Variants in ZNF525 observed in about 807,000 individuals in gnomAD.
ZNF525 encodes zinc finger protein 525.
ZNF525 carries 33 observed loss-of-function variants against 37.6 expected under a neutral mutation model. The ratio of observed to expected loss-of-function variants is 0.88; its 90% CI spans 0.67 to 1.17. ZNF525 has a LOEUF of 1.17. Among genes scored for constraint, ZNF525 ranks in the 50% most tolerant of loss-of-function variants. The pLI is 0.00. For synonymous variants in ZNF525, 170 were observed against 182.3 expected (o/e 0.93, Z 0.54); for missense variants, 449 against 543.1 (o/e 0.83, Z 1.72).
At chr19:53,379,134 G>C (rs1250261165) in intron 3 of ZNF525, among the ~76,000 whole-genome samples, 1 of 150,522 alleles carries the variant, frequency 6.6e-6, no homozygotes, top group African/African-American at 2.4e-5. Flanking sequence ...TTTTTTCTTA[G>C]AGACGAAGTC....
intron 3 of ZNF525, among the ~76,000 whole-genome samples, chr19:53,377,557 T>A (rs1327183859): frequency 1.9e-5 from 2 of 105,078 alleles, no homozygotes; most frequent in African/African-American, 7.6e-5. Context: ...CTTTCATTTC[T>A]TTTTTTTTTT....
Position 53,382,395 on chromosome 19 carries a change from C to A in ZNF525, c.*376C>A. On this transcript the variant is annotated 3_prime_UTR_variant, in exon 4 of 4. Coordinates refer to ENST00000474037, the MANE Select transcript of ZNF525 (RefSeq NM_001348156.2). ...TAGGAGAATTCATAATGGAGAGAAA[C>A]CGTACAAGTGTAATGAGTGTGGCAA... 9.6e-7 allele frequency: 1 copy of A among 1,039,982 alleles called. No homozygotes were observed. The highest frequency in any genetic ancestry group is 1.5e-6 in the Non-Finnish European group (1 of 663,824). 64.4% of individuals were successfully genotyped at this position (1,039,982 alleles called of 1,614,324 possible). A position where few individuals can be genotyped will look rare whatever the true frequency, so the allele number is the denominator to read the frequency against.
Position 53,384,091 on chromosome 19 carries a change from A to G in ZNF525, c.*2072A>G. 2.1e-6 allele frequency: 1 copy of G among 471,290 alleles called. No individual in the cohort carries two copies. Among genetic ancestry groups the G allele is most frequent in the Non-Finnish European group, 4.2e-6 (1 of 237,288 alleles). 29.2% of individuals were successfully genotyped at this position (471,290 alleles called of 1,614,324 possible). ...CCCAATGCAATGAATATAGCAAACC[A>G]TCAAGCATTGATTGACATTAGAGTC... is the stretch of plus-strand genomic sequence containing the variant. On this transcript the variant is annotated 3_prime_UTR_variant, in exon 4 of 4. Coordinates refer to ENST00000474037, the MANE Select transcript of ZNF525 (RefSeq NM_001348156.2).
At chr19:53,379,647 T>C (rs2085545187) in intron 3 of ZNF525, among the ~76,000 whole-genome samples, 1 of 152,212 alleles carries the variant, frequency 6.6e-6, no homozygotes, top group South Asian at 2.1e-4. Context: ...ATTTTTATGA[T>C]TTTACATAAA....
chr19:53,369,715 C>CTTTTTTTTTT (rs57431960), intron 1 of ZNF525, among the ~76,000 whole-genome samples: 1 of 81,204 alleles, frequency 1.2e-5, no homozygotes, highest in African/African-American at 6.4e-5. Context: ...AAAGAAGTTT[C>CTTTTTTTTTT]TTTTTTTTTT....
chr19:53,376,727 T>C (rs1044522413), intron 3 of ZNF525, among the ~76,000 whole-genome samples: 1 of 152,192 alleles, frequency 6.6e-6, no homozygotes, highest in Admixed American at 6.5e-5. Flanking sequence ...CCCAGCACTT[T>C]GGAAGGCCGG....
rs1487523808 is a variant in ZNF525 at position 53,381,125 on chromosome 19, T to G, written c.546T>G (p.Cys182Trp). 7.1e-7 allele frequency: 1 copy of G among 1,414,910 alleles called. No individual in the cohort carries two copies. Among genetic ancestry groups the G allele is most frequent in the Non-Finnish European group, 1.0e-6 (1 of 998,884 alleles). The allele number at this position is 1,414,910 out of a possible 1,614,324, so 87.6% of individuals were successfully genotyped here. A position where few individuals can be genotyped will look rare whatever the true frequency, so the allele number is the denominator to read the frequency against. Residue 182 changes from cysteine (C) to tryptophan (W), a missense_variant, in exon 4 of 4, where the codon TGT becomes TGG. Cys to Trp is a radical substitution (Grantham distance 215). Around this residue, in one of 2 missense-constraint regions of ZNF525, gnomAD observed 271 missense variants for 381.6 expected, o/e 0.71. Transcript: ENST00000474037. ...TTTCAACAGCCCAAAGAATTTCTTG[T>G]AGGCCCAAAACCCATATATCTAATA... The part of the protein sequence containing the change: ...SSVSTAQRIS[C>W]RPKTHISNNY...
intron 2 of ZNF525, among the ~76,000 whole-genome samples, chr19:53,374,756 GA>G (rs2085510199): frequency 1.3e-5 from 2 of 152,148 alleles, no homozygotes; most frequent in Non-Finnish European, 2.9e-5. Context: ...AAAATCTGGG[GA>G]AAATGACAAC....
At chr19:53,368,190 A>C (rs1403364096) in intron 1 of ZNF525, among the ~76,000 whole-genome samples, 2 of 152,192 alleles carry the variant, frequency 1.3e-5, no homozygotes, top group African/African-American at 2.4e-5. Context: ...GGCCTGTGGC[A>C]CACAGTTCTA....
At chr19:53,371,572 T>C (rs529680077) in intron 1 of ZNF525, among the ~76,000 whole-genome samples, 7 of 152,292 alleles carry the variant, frequency 4.6e-5, no homozygotes, top group African/African-American at 1.4e-4. Context: ...TTTCACCATG[T>C]TGACCATGCT....
chr19:53,384,728 T>C lies in ZNF525; in HGVS notation c.*2709T>C, dbSNP rs2085593263. On this transcript the variant is annotated 3_prime_UTR_variant, in exon 4 of 4. Transcript: ENST00000474037. ...TTTCTACACAGAAGGTCATGTCGTC[T>C]ACAAACAAATGTAATTTTACTTCTT... 4.4e-6 allele frequency: 2 copies of C among 450,184 alleles called. No homozygotes were observed. Among genetic ancestry groups the C allele is most frequent in the South Asian group, 3.2e-5 (1 of 31,294 alleles). 27.9% of individuals were successfully genotyped at this position (450,184 alleles called of 1,614,324 possible). A position where few individuals can be genotyped will look rare whatever the true frequency, so the allele number is the denominator to read the frequency against.
intron 1 of ZNF525, among the ~76,000 whole-genome samples, chr19:53,370,056 T>C (rs1056025721): frequency 5.9e-5 from 9 of 151,486 alleles, no homozygotes; most frequent in African/African-American, 1.9e-4. Flanking sequence ...ATGTGAAAGA[T>C]ACCTCTCTAA....
rs1316614114 is a variant in ZNF525 at position 53,382,891 on chromosome 19, G to C, written c.*872G>C. On this transcript the variant is annotated 3_prime_UTR_variant, in exon 4 of 4. Coordinates refer to ENST00000474037, the MANE Select transcript of ZNF525 (RefSeq NM_001348156.2). ...GTCATAGGAGAATTCATACTAGAGA[G>C]AAACCTTACAAGTGTAATGAGTGTG... 4.9e-6 allele frequency: 7 copies of C among 1,425,740 alleles called. No individual in the cohort carries two copies. The highest frequency in any genetic ancestry group is 6.9e-6 in the Non-Finnish European group (7 of 1,017,566). 88.3% of individuals were successfully genotyped at this position (1,425,740 alleles called of 1,614,324 possible).
chr19:53,368,455 GGC>G (rs1405994765), intron 1 of ZNF525, among the ~76,000 whole-genome samples: 1 of 152,156 alleles, frequency 6.6e-6, no homozygotes, highest in Non-Finnish European at 1.5e-5. Flanking sequence ...AAGAGCTAGG[GGC>G]TTGAAACTGT....
chr19:53,380,416 T>C (rs574182329), intron 3 of ZNF525, among the ~76,000 whole-genome samples: 1 of 152,356 alleles, frequency 6.6e-6, no homozygotes, highest in South Asian at 2.1e-4. Flanking sequence ...GTAAGTATGC[T>C]GTAAATATGA....
At chr19:53,378,518 C>T (rs141946949) in intron 3 of ZNF525, among the ~76,000 whole-genome samples, 1 of 152,148 alleles carries the variant, frequency 6.6e-6, no homozygotes, top group Non-Finnish European at 1.5e-5. Context: ...GGTGATAGAG[C>T]GTGACTCGGT....
chr19:53,383,486 G>GT lies in ZNF525; in HGVS notation c.*1468dup. The GT allele has an allele frequency of 9.1e-7, 1 of 1,093,680 alleles. No individual in the cohort carries two copies. The highest frequency in any genetic ancestry group is 1.3e-6 in the Non-Finnish European group (1 of 752,544). The allele number at this position is 1,093,680 out of a possible 1,614,324, so 67.7% of individuals were successfully genotyped here. On this transcript the variant is annotated 3_prime_UTR_variant, in exon 4 of 4. Coordinates refer to ENST00000474037, the MANE Select transcript of ZNF525 (RefSeq NM_001348156.2). Reference sequence around the variant, plus strand: ...CATACTGGAGAGAAACCATAAAAATGTAAGAGTTTTTGACAAGGCTTTCGG... The same window carrying GT: ...CATACTGGAGAGAAACCATAAAAATGTTAAGAGTTTTTGACAAGGCTTTCGG...
At chr19:53,377,643 C>T (rs2085531779) in intron 3 of ZNF525, among the ~76,000 whole-genome samples, 1 of 151,554 alleles carries the variant, frequency 6.6e-6, no homozygotes, top group South Asian at 2.1e-4. Context: ...CAACCTCTGC[C>T]TCCCAGGTTC....
At chr19:53,366,058 A>G (rs1267819267) in intron 1 of ZNF525, among the ~76,000 whole-genome samples, 3 of 151,996 alleles carry the variant, frequency 2.0e-5, no homozygotes, top group Non-Finnish European at 4.4e-5. Context: ...TAAAGTCCTC[A>G]CCCGAGAGGT....
Sources: allele counts gnomAD v4.1 joint callset (sites outside exome capture counted in the v4.1 genomes callset), GRCh38; gene constraint gnomAD v4.1.1; regional missense constraint gnomAD v4.1.1; transcripts MANE v1.5; gene names NCBI Gene and HGNC (gene_info 2026-07-23, HGNC 2026-07-21).